NTNG1: variants seen among roughly 807,000 people sequenced by gnomAD.
NTNG1 encodes the protein netrin G1, also known as netrin-G1.
A neutral mutation model predicts 54.0 loss-of-function variants in NTNG1; 16 were observed. The observed-to-expected ratio is 0.30, with a 90% CI of 0.20 to 0.45. The LOEUF is 0.45. NTNG1 is among the 20% of genes least tolerant of loss of function. The pLI is 1.00. For missense variants in NTNG1, 530 were observed against 678.7 expected, an observed-to-expected ratio of 0.78 and a Z score of 2.43; for synonymous variants, 255 against 263.1, an observed-to-expected ratio of 0.97 and a Z score of 0.30.
chr1:107,323,685 A>C (rs923328649), intron 2 of NTNG1, among the ~76,000 whole-genome samples: 2 of 152,052 alleles, frequency 1.3e-5, no homozygotes, highest in Admixed American at 6.6e-5. Context: ...AGGGTACCAC[A>C]TTTTAATAAT....
At chr1:107,173,897 T>C (rs1312072161) in intron 2 of NTNG1, among the ~76,000 whole-genome samples, 1 of 152,040 alleles carries the variant, frequency 6.6e-6, no homozygotes, top group African/African-American at 2.4e-5. Flanking sequence ...CATCAGAATT[T>C]TCTGGTCTTG....
intron 2 of NTNG1, 123 bp from the exon 3 acceptor site, chr1:107,324,159 A>G: frequency 1.2e-6 from 1 of 844,940 alleles, no homozygotes; most frequent in South Asian, 1.7e-5. Flanking sequence ...AGGGCAAATA[A>G]AAATGATTAC....
At chr1:107,460,873 T>C (rs1280891540) in intron 7 of NTNG1, among the ~76,000 whole-genome samples, 1 of 152,200 alleles carries the variant, frequency 6.6e-6, no homozygotes, top group African/African-American at 2.4e-5. Flanking sequence ...TGTACTGGGC[T>C]GCTAATGGTG....
intron 2 of NTNG1, among the ~76,000 whole-genome samples, chr1:107,269,291 A>G (rs1177926612): frequency 6.6e-6 from 1 of 152,080 alleles, no homozygotes; most frequent in East Asian, 1.9e-4. Context: ...CCAAATCTAC[A>G]TGACTCACTC....
chr1:107,197,721 C>T (rs1402398930), intron 2 of NTNG1, among the ~76,000 whole-genome samples: 1 of 151,978 alleles, frequency 6.6e-6, no homozygotes, highest in African/African-American at 2.4e-5. Context: ...CATTAGAATA[C>T]ACATTCACGT....
chr1:107,229,847 A>G (rs950362011), intron 2 of NTNG1, among the ~76,000 whole-genome samples: 2 of 152,038 alleles, frequency 1.3e-5, no homozygotes, highest in African/African-American at 2.4e-5. Flanking sequence ...ATCCTCTGAG[A>G]GACAGCTGGA....
At chr1:107,278,229 A>G (rs1024414742) in intron 2 of NTNG1, among the ~76,000 whole-genome samples, 4 of 152,232 alleles carry the variant, frequency 2.6e-5, no homozygotes, top group African/African-American at 9.6e-5. Flanking sequence ...TATTTCCTAA[A>G]GAACTATTCT....
At chr1:107,344,515 C>G (rs1443627280) in intron 3 of NTNG1, among the ~76,000 whole-genome samples, 1 of 152,150 alleles carries the variant, frequency 6.6e-6, no homozygotes, top group East Asian at 1.9e-4. Context: ...CCCCAGTATA[C>G]TTGCTGATAT....
chr1:107,214,570 C>G (rs566237104), intron 2 of NTNG1, among the ~76,000 whole-genome samples: 3 of 152,030 alleles, frequency 2.0e-5, no homozygotes, highest in African/African-American at 7.3e-5. Context: ...CAAATTATGC[C>G]GCTATAAATA....
At position 107,148,457 on chromosome 1, in the gene NTNG1, A is replaced by G; in HGVS notation, c.-137A>G. On this transcript the variant is annotated 5_prime_UTR_variant, in exon 2 of 8. Coordinates refer to ENST00000370068, the MANE Select transcript of NTNG1 (RefSeq NM_001113226.3). Reference sequence around the variant, plus strand: ...GGATCTGCTTTGAGGTCCCATCTTCATTTAAAAAAAAATACAGAGACCTAC... The same window carrying G: ...GGATCTGCTTTGAGGTCCCATCTTCGTTTAAAAAAAAATACAGAGACCTAC... 2.5e-6 allele frequency: 2 copies of G among 786,884 alleles called. No individual in the cohort carries two copies. Among genetic ancestry groups the G allele is most frequent in the South Asian group, 3.5e-5 (2 of 56,470 alleles). 48.7% of individuals were successfully genotyped at this position (786,884 alleles called of 1,614,324 possible).
chr1:107,176,400 G>A (rs930758451), intron 2 of NTNG1, among the ~76,000 whole-genome samples: 1 of 152,132 alleles, frequency 6.6e-6, no homozygotes, highest in Non-Finnish European at 1.5e-5. Context: ...ATGCTTTGGA[G>A]GAATAAGTTC....
At chr1:107,268,121 C>T (rs1003019444) in intron 2 of NTNG1, among the ~76,000 whole-genome samples, 2 of 152,140 alleles carry the variant, frequency 1.3e-5, no homozygotes, top group Non-Finnish European at 2.9e-5. Context: ...AAAAATACAT[C>T]CCATCTTCAA....
rs940222706 is a variant in NTNG1, at chr1:107,483,196, G to A, written c.*2356G>A. ...GGCAGCCCATGTTATTTCTGGCAAA[G>A]ATGCACTTTATCGTTATCTGCTCAT... On this transcript the variant is annotated 3_prime_UTR_variant, in exon 8 of 8. Coordinates refer to ENST00000370068, the MANE Select transcript of NTNG1 (RefSeq NM_001113226.3). The A allele has an allele frequency of 4.6e-5, 7 of 152,190 alleles. No individual in the cohort carries two copies. Among genetic ancestry groups the A allele is most frequent in the Non-Finnish European group, 7.3e-5 (5 of 68,038 alleles). The allele number at this position is 152,190 out of a possible 1,614,324, so 9.4% of individuals were successfully genotyped here.
chr1:107,474,614 GT>G (rs746724079), intron 7 of NTNG1, among the ~76,000 whole-genome samples: 1 of 152,158 alleles, frequency 6.6e-6, no homozygotes, highest in African/African-American at 2.4e-5. Flanking sequence ...ATGAATAGAA[GT>G]TTATCAACTC....
In NTNG1 at chr1:107,466,140, T is replaced by C. The variant is rs913252014; in HGVS notation, c.1391-14471T>C. Among the ~76,000 whole-genome samples the C allele has an allele frequency of 9.2e-5, 14 of 152,060 alleles. No individual in the cohort carries two copies. The East Asian group carries it at 2.7e-3, about 29-fold the overall frequency. On this transcript the variant is annotated intron_variant, in intron 7 of 7. Coordinates refer to ENST00000370068, the MANE Select transcript of NTNG1 (RefSeq NM_001113226.3). Reference sequence around the variant, plus strand: ...CACTGTTGGGAGGTCCTGACTACAGTATTTGCAGTTAGCAGTGGGGAGCCA... The same window carrying C: ...CACTGTTGGGAGGTCCTGACTACAGCATTTGCAGTTAGCAGTGGGGAGCCA...
At chr1:107,303,933 C>T (rs1441889424) in intron 2 of NTNG1, among the ~76,000 whole-genome samples, 2 of 152,126 alleles carry the variant, frequency 1.3e-5, no homozygotes, top group South Asian at 2.1e-4. Flanking sequence ...AATCCGCCCG[C>T]CTTGGCCTCC....
intron 4 of NTNG1, among the ~76,000 whole-genome samples, chr1:107,399,203 C>G (rs1570870694): frequency 6.6e-6 from 1 of 152,124 alleles, no homozygotes; most frequent in African/African-American, 2.4e-5. Context: ...GTTTCTCAAA[C>G]TTATTTGCTC....
intron 2 of NTNG1, among the ~76,000 whole-genome samples, chr1:107,175,860 T>G (rs1024107327): frequency 6.6e-6 from 1 of 152,222 alleles, no homozygotes; most frequent in African/African-American, 2.4e-5. Context: ...AAGGCCAGTT[T>G]GGTAAAGATT....
chr1:107,367,991 A>G (rs929618125), intron 3 of NTNG1, among the ~76,000 whole-genome samples: 21 of 151,870 alleles, frequency 1.4e-4, no homozygotes, highest in African/African-American at 5.1e-4. Flanking sequence ...GGATGGTCTG[A>G]CCTCAACCCG....
Sources: allele counts gnomAD v4.1 joint callset (sites outside exome capture counted in the v4.1 genomes callset), GRCh38; gene constraint gnomAD v4.1.1; transcripts MANE v1.5; gene names NCBI Gene and HGNC (gene_info 2026-07-23, HGNC 2026-07-21).